Variants in RBM17 observed in about 807,000 individuals in gnomAD.
RBM17 encodes RNA binding motif protein 17.
RBM17 carries 7 observed loss-of-function variants against 53.2 expected under a neutral mutation model. That is an observed-to-expected ratio of 0.13 (90% CI 0.07 to 0.25). The LOEUF (loss-of-function observed/expected upper bound fraction) is 0.25, where lower values mean the gene tolerates loss of function less well. Among genes scored for constraint, RBM17 ranks in the 10% least tolerant of loss-of-function variants. The pLI is 1.00. For missense variants in RBM17, 257 were observed against 496.7 expected, an observed-to-expected ratio of 0.52 and a Z score of 4.59; for synonymous variants, 167 against 178.1, an observed-to-expected ratio of 0.94 and a Z score of 0.50.
At chr10:6,114,177 C>T (rs1564570348) in intron 10 of RBM17, 30 bp downstream of exon 10, 1 of 1,343,816 alleles carries the variant, frequency 7.4e-7, no homozygotes, top group Non-Finnish European at 1.1e-6. Context: ...ATGTTTATAA[C>T]ACAAGTTGTA....
At chr10:6,106,116 A>G in intron 4 of RBM17, 25 bp from the exon 5 acceptor site, 1 of 1,566,320 alleles carries the variant, frequency 6.4e-7, no homozygotes, top group Non-Finnish European at 8.8e-7. Flanking sequence ...TCTGTGATGA[A>G]CATTTATTTC....
chr10:6,091,013 T>TTATATATGTA (rs1554834351), intron 1 of RBM17, among the ~76,000 whole-genome samples: 11 of 113,882 alleles, frequency 9.7e-5, no homozygotes, highest in African/African-American at 3.2e-4. Flanking sequence ...ATATAAATAT[T>TTATATATGTA]TATATATTTA....
At chr10:6,100,043 C>T (rs140335442) in intron 2 of RBM17, among the ~76,000 whole-genome samples, 2,650 of 151,626 alleles carry the variant, frequency 0.017, 46 homozygotes, top group East Asian at 0.041. Flanking sequence ...AGCAAGACTC[C>T]ATCTCAAAAA....
At chr10:6,097,463 C>T (rs1161277671) in intron 2 of RBM17, among the ~76,000 whole-genome samples, 1 of 152,146 alleles carries the variant, frequency 6.6e-6, no homozygotes, top group Non-Finnish European at 1.5e-5. Flanking sequence ...TTTTGGGAGG[C>T]CAAGGCAGGC....
Position 6,114,155 on chromosome 10 carries a change from T to C in RBM17, c.1029+8T>C, listed in dbSNP as rs10795823. On this transcript the variant is annotated splice_region_variant and intron_variant, in intron 10 of 11. Transcript: ENST00000379888. ...AAATGTGTGATATTTGAAGTAAGAG[T>C]GTTTTCTTTTGATGTTTATAACACA... is the stretch of plus-strand genomic sequence containing the variant. 1 allele frequency: 1,533,250 copies of C among 1,538,400 alleles called. 764,198 individuals carry two copies. Among genetic ancestry groups the C allele is most frequent in the East Asian group, 1 (44,360 of 44,360 alleles).
In RBM17 at chr10:6,089,643, G is replaced by A. The variant is rs1840450654; in HGVS notation, c.-19+450G>A. 1 of 152,514 alleles carries A rather than the reference G, an allele frequency of 6.6e-6. No individual in the cohort carries two copies. The highest frequency in any genetic ancestry group is 2.1e-4 in the South Asian group (1 of 4,834). 9.4% of individuals were successfully genotyped at this position (152,514 alleles called of 1,614,324 possible). ...GTTCCTCCCGGGGTCTCAGAACTGG[G>A]AGTGCAGACGTTGGCGTTTCTCAGA... On this transcript the variant is annotated intron_variant, in intron 1 of 11. Coordinates refer to ENST00000379888, the MANE Select transcript of RBM17 (RefSeq NM_032905.5). This position sits in a 1 kb window ranked among gnomAD's most constrained non-coding sequence, Gnocchi z 5.6.
chr10:6,103,189 A>G (rs1238531913), intron 3 of RBM17, among the ~76,000 whole-genome samples: 1 of 152,174 alleles, frequency 6.6e-6, no homozygotes, highest in Admixed American at 6.5e-5. Flanking sequence ...TTTTATGGCC[A>G]ATCTGTTCTG....
At position 6,115,228 on chromosome 10, in the gene RBM17, T is replaced by A; in HGVS notation, c.1030-11T>A. 1 of 1,608,864 alleles carries A rather than the reference T, an allele frequency of 6.2e-7. No individual in the cohort carries two copies. Among genetic ancestry groups the A allele is most frequent in the Non-Finnish European group, 8.5e-7 (1 of 1,178,006 alleles). On this transcript the variant is annotated splice_polypyrimidine_tract_variant and intron_variant, in intron 10 of 11. Transcript: ENST00000379888. The stretch of plus-strand genomic sequence containing the variant: ...AATGCCTTTACTCATCACGCTCTCA[T>A]TTTCTTCCAGATTCCTGGTGCCCCT...
chr10:6,105,873 A>G (rs890116647), intron 4 of RBM17, among the ~76,000 whole-genome samples: 2 of 152,236 alleles, frequency 1.3e-5, no homozygotes, highest in African/African-American at 4.8e-5. Flanking sequence ...TAACATTGGA[A>G]GAGGTCAATG....
intron 2 of RBM17, among the ~76,000 whole-genome samples, chr10:6,098,272 G>A (rs1413796091): frequency 6.6e-6 from 1 of 152,182 alleles, no homozygotes; most frequent in African/African-American, 2.4e-5. Context: ...TCTGTGGTGT[G>A]AAAATTTCAT....
In RBM17 at chr10:6,106,231, G is replaced by C; in HGVS notation, c.498G>C (p.Arg166Ser). The C allele has an allele frequency of 6.2e-7, 1 of 1,607,596 alleles. No homozygotes were observed. Among genetic ancestry groups the C allele is most frequent in the Non-Finnish European group, 8.5e-7 (1 of 1,174,324 alleles). The change falls in exon 5 of 12, where the codon AGG (arginine) becomes AGC (serine). Residue 166 changes from arginine (R) to serine (S), a missense_variant. Around this residue, in one of 6 missense-constraint regions of RBM17, gnomAD observed 127 missense variants for 217.2 expected, o/e 0.58. Coordinates refer to ENST00000379888, the MANE Select transcript of RBM17 (RefSeq NM_032905.5). ...ATGAAGATTATGAGCGAGAGAGGAG[G>C]AAAAGAAGTAAGGCATGAACAAATA... is the stretch of plus-strand genomic sequence containing the variant. ...DEDEDYERER[R>S]KRSMGGAAIA... is the part of the protein sequence containing the mutation.
intron 1 of RBM17, among the ~76,000 whole-genome samples, chr10:6,093,318 A>G (rs989712046): frequency 1.3e-5 from 2 of 152,078 alleles, no homozygotes; most frequent in Non-Finnish European, 2.9e-5. Flanking sequence ...GGTTCAAGCA[A>G]TTCTCCTATC....
intron 8 of RBM17, 164 bp from the exon 9 acceptor site, chr10:6,113,344 C>T: frequency 5.6e-6 from 3 of 539,986 alleles, no homozygotes; most frequent in Non-Finnish European, 6.6e-6. Flanking sequence ...GCAGATAAGG[C>T]TGTGTTTTCG....
At chr10:6,111,609 G>A (rs542594968) in intron 7 of RBM17, among the ~76,000 whole-genome samples, 295 of 152,254 alleles carry the variant, frequency 1.9e-3, no homozygotes, top group Non-Finnish European at 3.4e-3. Flanking sequence ...CAAAGTGCTG[G>A]GATTATAAGT....
intron 1 of RBM17, among the ~76,000 whole-genome samples, chr10:6,093,120 G>C (rs1840513392): frequency 6.6e-6 from 1 of 152,220 alleles, no homozygotes; most frequent in Admixed American, 6.5e-5. Flanking sequence ...CTTTTCATCA[G>C]AGTTGACTCT....
At chr10:6,096,579 C>G (rs1840578320) in intron 1 of RBM17, among the ~76,000 whole-genome samples, 1 of 152,106 alleles carries the variant, frequency 6.6e-6, no homozygotes, top group African/African-American at 2.4e-5. Context: ...AAAATCACAT[C>G]TAAGAGATCA....
At chr10:6,100,482 C>G (rs568543827) in intron 2 of RBM17, among the ~76,000 whole-genome samples, 1 of 152,160 alleles carries the variant, frequency 6.6e-6, no homozygotes, top group South Asian at 2.1e-4. Flanking sequence ...GGAACAAGCT[C>G]AACTAAATAA....
chr10:6,111,586 C>T (rs1007592110), intron 7 of RBM17, among the ~76,000 whole-genome samples: 3 of 152,176 alleles, frequency 2.0e-5, no homozygotes, highest in Non-Finnish European at 4.4e-5. Flanking sequence ...GTGATCCACC[C>T]GCCTCGGCTT....
At chr10:6,102,006 A>T in intron 3 of RBM17, among the ~76,000 whole-genome samples, 1 of 151,450 alleles carries the variant, frequency 6.6e-6, no homozygotes, top group Non-Finnish European at 1.5e-5. Flanking sequence ...GTTATTGAGG[A>T]TGAAGAAGAT....
Sources: allele counts gnomAD v4.1 joint callset (sites outside exome capture counted in the v4.1 genomes callset), GRCh38; gene constraint gnomAD v4.1.1; regional missense constraint gnomAD v4.1.1; non-coding constraint Gnocchi (gnomAD v3.1); transcripts MANE v1.5; gene names NCBI Gene and HGNC (gene_info 2026-07-23, HGNC 2026-07-21).